RBFOX1: variants seen among roughly 807,000 people sequenced by gnomAD.
RBFOX1 encodes the protein RNA binding protein fox-1 homolog 1.
A neutral mutation model predicts 57.7 loss-of-function variants in RBFOX1; 8 were observed. The ratio of observed to expected loss-of-function variants is 0.14; its 90% confidence interval spans 0.08 to 0.25. The LOEUF (loss-of-function observed/expected upper bound fraction) is 0.25. Ranked by LOEUF, RBFOX1 falls within the 10% of genes least tolerant of loss-of-function variation. The pLI is 1.00. For missense variants in RBFOX1, 611 were observed against 548.5 expected, an observed-to-expected ratio of 1.11 and a Z score of -1.14; for synonymous variants, 326 against 222.4, an observed-to-expected ratio of 1.47 and a Z score of -4.15.
chr16:7,661,202 A>G (rs2145420838), intron 12 of RBFOX1, among the ~76,000 whole-genome samples: 1 of 152,284 alleles, frequency 6.6e-6, no homozygotes, highest in African/African-American at 2.4e-5. Flanking sequence ...CATTTTTTAG[A>G]GTTATCCTAA....
chr16:7,257,351 T>C (rs2094731996), intron 4 of RBFOX1, among the ~76,000 whole-genome samples: 1 of 152,122 alleles, frequency 6.6e-6, no homozygotes, highest in Non-Finnish European at 1.5e-5. Flanking sequence ...TGGGGTAAAA[T>C]TACATGCAAC....
chr16:6,798,640 C>T (rs979116427), intron 3 of RBFOX1, among the ~76,000 whole-genome samples: 1 of 152,276 alleles, frequency 6.6e-6, no homozygotes, highest in East Asian at 1.9e-4. Context: ...GTTTCTCTGG[C>T]CAAAGCAAAT....
chr16:6,910,287 G>GAGT (rs1366247694), intron 3 of RBFOX1, among the ~76,000 whole-genome samples: 1 of 152,112 alleles, frequency 6.6e-6, no homozygotes, highest in Non-Finnish European at 1.5e-5. Flanking sequence ...ATCGTGTAGG[G>GAGT]AGTTGGGCAC....
intron 3 of RBFOX1, among the ~76,000 whole-genome samples, chr16:6,675,652 C>T (rs1009491458): frequency 1.3e-5 from 2 of 152,090 alleles, no homozygotes; most frequent in East Asian, 1.9e-4. Context: ...CTGGGGATGC[C>T]TCACAATCAT....
intron 3 of RBFOX1, among the ~76,000 whole-genome samples, chr16:6,854,751 C>G (rs145516490): frequency 0.025 from 3,766 of 151,772 alleles, 145 homozygotes; most frequent in African/African-American, 0.085. Context: ...CCTGCCATTG[C>G]GCCCGGCTAA....
chr16:6,210,685 T>G (rs536467901), intron 1 of RBFOX1, among the ~76,000 whole-genome samples: 127 of 151,380 alleles, frequency 8.4e-4, no homozygotes, highest in African/African-American at 2.8e-3. Flanking sequence ...ATTGTGCCAC[T>G]GCACTCCAGT....
intron 1 of RBFOX1, among the ~76,000 whole-genome samples, chr16:6,096,509 A>G (rs1338266592): frequency 6.6e-6 from 1 of 152,082 alleles, no homozygotes; most frequent in Non-Finnish European, 1.5e-5. Context: ...TTTAGCAATG[A>G]TTTTGGAATT....
intron 5 of RBFOX1, among the ~76,000 whole-genome samples, chr16:7,541,893 A>G (rs1200324233): frequency 1.3e-5 from 2 of 152,252 alleles, no homozygotes; most frequent in Non-Finnish European, 2.9e-5. Flanking sequence ...CACAAGCCAC[A>G]TGCCTGCAAA....
chr16:6,643,704 G>A (rs745503112), intron 2 of RBFOX1, among the ~76,000 whole-genome samples: 7 of 151,982 alleles, frequency 4.6e-5, no homozygotes, highest in Non-Finnish European at 1.0e-4. Flanking sequence ...TTTAATCATC[G>A]GAGTGGTAGG....
chr16:6,689,922 G>C (rs981914141), intron 3 of RBFOX1, among the ~76,000 whole-genome samples: 1 of 152,158 alleles, frequency 6.6e-6, no homozygotes, highest in African/African-American at 2.4e-5. Flanking sequence ...TGTCAATTGA[G>C]AATCAGCAAC....
chr16:5,252,170 C>G (rs1034515352), intron 1 of RBFOX1, among the ~76,000 whole-genome samples: 53 of 152,196 alleles, frequency 3.5e-4, no homozygotes, highest in African/African-American at 1.3e-3. Context: ...GGTGGGGACC[C>G]TCATCACAGC....
At chr16:5,396,140 C>T (rs1394919279) in intron 1 of RBFOX1, among the ~76,000 whole-genome samples, 1 of 152,156 alleles carries the variant, frequency 6.6e-6, no homozygotes, top group Admixed American at 6.5e-5. Context: ...TGTAGCAAAT[C>T]AGTAACTAAC....
chr16:7,693,221 C>T, intron 14 of RBFOX1: 1 of 999,274 alleles, frequency 1.0e-6, no homozygotes, highest in Admixed American at 1.8e-5. Context: ...ACGCAGCACC[C>T]TTCCCTCCCC....
intron 4 of RBFOX1, among the ~76,000 whole-genome samples, chr16:5,892,442 G>T (rs971792795): frequency 6.6e-6 from 1 of 152,142 alleles, no homozygotes; most frequent in Non-Finnish European, 1.5e-5. Flanking sequence ...TAGACTAGGG[G>T]TAATGGTACT....
chr16:5,669,101 G>A (rs1265097686), intron 3 of RBFOX1, among the ~76,000 whole-genome samples: 2 of 152,182 alleles, frequency 1.3e-5, no homozygotes, highest in Non-Finnish European at 2.9e-5. Flanking sequence ...AAACCAAGTT[G>A]AATAGACCCA....
intron 2 of RBFOX1, among the ~76,000 whole-genome samples, chr16:5,467,785 G>A (rs1165955935): frequency 1.3e-5 from 2 of 152,170 alleles, no homozygotes; most frequent in Admixed American, 6.5e-5. Flanking sequence ...CATGGCCCTT[G>A]GATAGAGGAA....
At chr16:6,742,229 G>C (rs977231614) in intron 3 of RBFOX1, among the ~76,000 whole-genome samples, 1 of 152,134 alleles carries the variant, frequency 6.6e-6, no homozygotes, top group Non-Finnish European at 1.5e-5. Flanking sequence ...CAAGAACATG[G>C]AAAGAATTCG....
intron 1 of RBFOX1, among the ~76,000 whole-genome samples, chr16:6,311,295 C>CAAAAAAAA (rs71145210): frequency 8.8e-5 from 8 of 91,218 alleles, no homozygotes; most frequent in Admixed American, 2.7e-4. Flanking sequence ...GACTCTGTCT[C>CAAAAAAAA]AAAAAAAAAA....
At chr16:6,596,690 C>G (rs922977304) in intron 2 of RBFOX1, among the ~76,000 whole-genome samples, 6 of 149,440 alleles carry the variant, frequency 4.0e-5, no homozygotes, top group African/African-American at 1.3e-4. Flanking sequence ...ATTATAAATA[C>G]AGTTGATTCT....
Sources: gnomAD v4.1 joint callset for allele counts (sites outside exome capture counted in the v4.1 genomes callset) on GRCh38, gnomAD v4.1.1 for gene constraint, MANE v1.5 for transcripts, NCBI Gene and HGNC (gene_info 2026-07-23, HGNC 2026-07-21) for gene names.